ADGRF1: variants seen among roughly 807,000 people sequenced by gnomAD.
ADGRF1 encodes the protein G protein-coupled receptor 110.
In ADGRF1, 85 loss-of-function variants were observed where a neutral mutation model predicts 87.2. The ratio of observed to expected loss-of-function variants is 0.97; its 90% CI spans 0.82 to 1.17. The LOEUF is 1.17. Among genes scored for constraint, ADGRF1 ranks in the 50% most tolerant of loss-of-function variants. The pLI is 0.00. For missense variants in ADGRF1, 1,169 were observed against 1,077.2 expected (o/e 1.09, Z -1.19); for synonymous variants, 430 against 408.8 (o/e 1.05, Z -0.63).
intron 1 of ADGRF1, among the ~76,000 whole-genome samples, chr6:47,031,459 A>G (rs9463281): frequency 0.21 from 32,166 of 151,622 alleles, 3,573 homozygotes; most frequent in South Asian, 0.35. Flanking sequence ...GCCTGAGGAC[A>G]GCTCTGGGCA....
chr6:47,006,605 G>A (rs1779539665), intron 12 of ADGRF1, among the ~76,000 whole-genome samples: 1 of 152,206 alleles, frequency 6.6e-6, no homozygotes, highest in African/African-American at 2.4e-5. Context: ...GGTGATTTGT[G>A]AGATTCTGAT....
chr6:47,007,027 GACA>G (rs1779552876), intron 12 of ADGRF1, among the ~76,000 whole-genome samples: 1 of 151,804 alleles, frequency 6.6e-6, no homozygotes, highest in Non-Finnish European at 1.5e-5. Context: ...CCTTTTTTCC[GACA>G]ACGTTTACAT....
intron 7 of ADGRF1, chr6:47,018,324 A>T: frequency 8.8e-7 from 1 of 1,134,722 alleles, no homozygotes; most frequent in Non-Finnish European, 1.1e-6. Flanking sequence ...CATTTTATAG[A>T]TAAGAGAACT....
At chr6:47,010,403 T>A (rs1779671541) in intron 10 of ADGRF1, 85 bp from the exon 11 acceptor site, 1 of 1,127,968 alleles carries the variant, frequency 8.9e-7, no homozygotes, top group South Asian at 1.6e-5. Flanking sequence ...GCATTAAGAA[T>A]AGGAAAAATG....
intron 11 of ADGRF1, 51 bp downstream of exon 11, chr6:47,008,894 T>A (rs549265569): frequency 6.7e-7 from 1 of 1,501,832 alleles, no homozygotes; most frequent in South Asian, 1.3e-5. Flanking sequence ...CTGAGTTCTC[T>A]ACTTATTCCA....
At position 47,009,865 on chromosome 6, in the gene ADGRF1, T is replaced by TGGAAAAAAATAGGAAAACTTCA; in HGVS notation, c.1548_1569dup (p.Lys524Ter). 1 of 1,613,996 alleles carries TGGAAAAAAATAGGAAAACTTCA rather than the reference T, an allele frequency of 6.2e-7. No homozygotes were observed. Among genetic ancestry groups the TGGAAAAAAATAGGAAAACTTCA allele is most frequent in the Non-Finnish European group, 8.5e-7 (1 of 1,179,882 alleles). On this transcript the variant is annotated stop_gained and frameshift_variant, in exon 11 of 15. Transcript: ENST00000371253. LOFTEE classifies it high-confidence loss of function. Reference sequence around the variant, plus strand: ...GGCTGGCTCAGGTTTGACTCTATCTTGGAAAAAAATAGGAAAACTTCATTT... The same window carrying TGGAAAAAAATAGGAAAACTTCA: ...GGCTGGCTCAGGTTTGACTCTATCTTGGAAAAAAATAGGAAAACTTCAGGAAAAAAATAGGAAAACTTCATTT...
intron 7 of ADGRF1, 131 bp from the exon 8 acceptor site, chr6:47,016,899 A>G: frequency 7.8e-7 from 1 of 1,274,056 alleles, no homozygotes; most frequent in East Asian, 2.8e-5. Flanking sequence ...CTAGTGGATA[A>G]GGCAAGGCAA....
intron 1 of ADGRF1, among the ~76,000 whole-genome samples, chr6:47,030,656 A>G (rs1302421571): frequency 7.0e-6 from 1 of 142,956 alleles, no homozygotes; most frequent in Non-Finnish European, 1.5e-5. Context: ...ATTTCATTTT[A>G]TTAGTAAATT....
At chr6:47,005,027 G>A (rs950277093) in intron 13 of ADGRF1, among the ~76,000 whole-genome samples, 3 of 152,164 alleles carry the variant, frequency 2.0e-5, no homozygotes, top group South Asian at 2.1e-4. Context: ...ATTGTCACTT[G>A]TAAAAATCTC....
intron 7 of ADGRF1, chr6:47,018,566 A>G (rs1480751130): frequency 1.6e-6 from 2 of 1,289,508 alleles, no homozygotes; most frequent in Admixed American, 4.6e-5. Flanking sequence ...ACCAGGTTCC[A>G]CAGGTGTATA....
intron 9 of ADGRF1, chr6:47,012,792 T>C: frequency 3.0e-6 from 3 of 984,508 alleles, no homozygotes; most frequent in Non-Finnish European, 3.6e-6. Flanking sequence ...TTTTTCGAGA[T>C]GGAGTCTTGC....
intron 7 of ADGRF1, chr6:47,019,747 CTG>C (rs1381589256): frequency 6.3e-5 from 61 of 975,014 alleles, no homozygotes; most frequent in Non-Finnish European, 7.4e-5. Flanking sequence ...TTTAAGTTAA[CTG>C]TGAAAAAAAA....
chr6:47,007,125 G>A (rs750547279), intron 12 of ADGRF1, 128 bp downstream of exon 12: 1 of 524,240 alleles, frequency 1.9e-6, no homozygotes, highest in South Asian at 4.1e-5. Flanking sequence ...TTCTCTAAAA[G>A]CACAGAATTT....
At chr6:47,008,313 C>A (rs551508699) in intron 11 of ADGRF1, among the ~76,000 whole-genome samples, 1 of 152,312 alleles carries the variant, frequency 6.6e-6, no homozygotes, top group East Asian at 1.9e-4. Context: ...CCTCTCTGAA[C>A]ACTTTCTGAC....
intron 1 of ADGRF1, among the ~76,000 whole-genome samples, chr6:47,040,515 G>T (rs1285242963): frequency 6.7e-6 from 1 of 148,824 alleles, no homozygotes; most frequent in Non-Finnish European, 1.5e-5. Context: ...AAAATATTTT[G>T]AAAGTTACAA....
chr6:47,001,696 G>T, intron 13 of ADGRF1, 129 bp from the exon 14 acceptor site: 3 of 677,468 alleles, frequency 4.4e-6, no homozygotes, highest in South Asian at 3.9e-5. Context: ...CTCTTTTTAA[G>T]AATTTAGAAT....
intron 5 of ADGRF1, among the ~76,000 whole-genome samples, chr6:47,023,662 C>T (rs1780138625): frequency 6.6e-6 from 1 of 152,194 alleles, no homozygotes; most frequent in South Asian, 2.1e-4. Context: ...GCATTCATAT[C>T]TCTAGACTCC....
intron 13 of ADGRF1, among the ~76,000 whole-genome samples, chr6:47,003,073 C>A (rs1244863768): frequency 6.7e-6 from 1 of 149,186 alleles, no homozygotes; most frequent in African/African-American, 2.5e-5. Flanking sequence ...CTAAGCCCCC[C>A]AACCAACTGA....
At chr6:47,015,472 G>A (rs1406069451) in intron 8 of ADGRF1, among the ~76,000 whole-genome samples, 2 of 151,900 alleles carry the variant, frequency 1.3e-5, no homozygotes, top group South Asian at 2.1e-4. Context: ...GTGCAGTGGT[G>A]CAATCTTTGC....
Sources: gnomAD v4.1 joint callset for allele counts (sites outside exome capture counted in the v4.1 genomes callset) on GRCh38, gnomAD v4.1.1 for gene constraint, MANE v1.5 for transcripts, NCBI Gene and HGNC (gene_info 2026-07-23, HGNC 2026-07-21) for gene names.